Variants in SHROOM3 observed in about 807,000 individuals in gnomAD.
The protein encoded by SHROOM3 is protein Shroom3.
SHROOM3 carries 47 observed loss-of-function variants against 138.6 expected under a neutral mutation model. The ratio of observed to expected loss-of-function variants is 0.34; its 90% CI spans 0.27 to 0.43. SHROOM3 has a LOEUF of 0.43. SHROOM3 is among the 20% of genes least tolerant of loss of function. SHROOM3 has a pLI of 1.00. For synonymous variants in SHROOM3, 1,062 were observed against 1,063.3 expected, an observed-to-expected ratio of 1.00 and a Z score of 0.02; for missense variants, 2,491 against 2,596.5, an observed-to-expected ratio of 0.96 and a Z score of 0.88.
In SHROOM3 at chr4:76,740,024, G is replaced by A; in HGVS notation, c.1851G>A (p.Lys617=). ...QAQAWQAGED[K]RSSRLSEPWE... ...AGGCCTGGCAAGCGGGTGAAGACAAGAGATCTTCCAGGCTCTCAGAGCCCT... is the reference window on the plus strand; with the variant it reads ...AGGCCTGGCAAGCGGGTGAAGACAAAAGATCTTCCAGGCTCTCAGAGCCCT... The change falls in exon 5 of 11, where the codon AAG becomes AAA. Residue 617 remains lysine (K), a synonymous_variant. Transcript: ENST00000296043. This position sits in a 1 kb window ranked among gnomAD's most constrained non-coding sequence, Gnocchi z 4.0. The A allele has an allele frequency of 6.2e-7, 1 of 1,613,914 alleles. No individual in the cohort carries two copies. The highest frequency in any genetic ancestry group is 1.1e-5 in the South Asian group (1 of 91,082).
In SHROOM3 at chr4:76,740,361, G is replaced by C. The variant is rs997724339; in HGVS notation, c.2188G>C (p.Gly730Arg). The change falls in exon 5 of 11, where the codon GGT becomes CGT. Residue 730 changes from glycine to arginine, a missense_variant. By Grantham distance (125) the Gly-to-Arg change is moderately radical. Around this residue, in one of 4 missense-constraint regions of SHROOM3, gnomAD observed 1,733 missense variants for 1,661.6 expected, o/e 1.04. Coordinates refer to ENST00000296043, the MANE Select transcript of SHROOM3 (RefSeq NM_020859.4). The surrounding 1 kb of genome is among the most constrained non-coding windows in gnomAD (Gnocchi z 4.0). The part of the protein sequence containing the change: ...VSYPRPEGRT[G>R]ASASFNSTDP... ...CTACCCGCGGCCCGAGGGGAGGACCGGTGCCTCGGCTTCTTTCAACAGCAC... is the reference window on the plus strand; with the variant it reads ...CTACCCGCGGCCCGAGGGGAGGACCCGTGCCTCGGCTTCTTTCAACAGCAC... 6.2e-7 allele frequency: 1 copy of C among 1,613,058 alleles called. No homozygotes were observed. Among genetic ancestry groups the C allele is most frequent in the East Asian group, 2.2e-5 (1 of 44,878 alleles).
In SHROOM3 at chr4:76,770,868, C is replaced by A; in HGVS notation, c.5592C>A (p.Gly1864=). The change falls in exon 10 of 11, where the codon GGC becomes GGA. Residue 1864 remains glycine, a synonymous_variant. Coordinates refer to ENST00000296043, the MANE Select transcript of SHROOM3 (RefSeq NM_020859.4). ...RLARVENVLS[G]LGEDASNEER... Reference sequence around the variant, plus strand: ...CCCGTGTTGAGAATGTCCTTAGCGGCCTTGGTGAAGATGCCAGTAATGAAG... The same window carrying A: ...CCCGTGTTGAGAATGTCCTTAGCGGACTTGGTGAAGATGCCAGTAATGAAG... 2 of 1,614,192 alleles carry A rather than the reference C, an allele frequency of 1.2e-6. No individual in the cohort carries two copies. The highest frequency in any genetic ancestry group is 2.2e-5 in the South Asian group (2 of 91,082).
intron 2 of SHROOM3, among the ~76,000 whole-genome samples, chr4:76,658,504 T>C (rs893240334): frequency 2.0e-5 from 3 of 152,182 alleles, no homozygotes; most frequent in African/African-American, 7.2e-5. Context: ...CTGTTAAGCA[T>C]TAAGAATGGA....
At chr4:76,579,739 C>T (rs1459629616) in intron 2 of SHROOM3, among the ~76,000 whole-genome samples, 1 of 152,206 alleles carries the variant, frequency 6.6e-6, no homozygotes, top group African/African-American at 2.4e-5. Flanking sequence ...GTCTAGTCAG[C>T]ATTTGAGTTT....
intron 5 of SHROOM3, among the ~76,000 whole-genome samples, chr4:76,745,469 T>A (rs527938328): frequency 6.6e-6 from 1 of 152,314 alleles, no homozygotes; most frequent in African/African-American, 2.4e-5. Context: ...CATTACTGAA[T>A]TGCTGAGGAA....
intron 2 of SHROOM3, among the ~76,000 whole-genome samples, chr4:76,685,374 CA>C (rs369922459): frequency 6.9e-5 from 10 of 144,398 alleles, no homozygotes; most frequent in Non-Finnish European, 1.2e-4. Context: ...AGCTAAAAAA[CA>C]AAAAAAAATC....
intron 4 of SHROOM3, 150 bp downstream of exon 4, chr4:76,731,085 T>C (rs1418734541): frequency 1.1e-5 from 12 of 1,090,920 alleles, no homozygotes; most frequent in South Asian, 2.6e-5. Flanking sequence ...CATCCTCTTA[T>C]AGTGCTTGAC....
chr4:76,581,834 G>A (rs918614099), intron 2 of SHROOM3, among the ~76,000 whole-genome samples: 9 of 152,244 alleles, frequency 5.9e-5, no homozygotes, highest in East Asian at 3.9e-4. Context: ...TAAACTAATC[G>A]TGAACCCCAC....
At chr4:76,485,076 C>T (rs1242917109) in intron 1 of SHROOM3, among the ~76,000 whole-genome samples, 6 of 152,182 alleles carry the variant, frequency 3.9e-5, no homozygotes, top group African/African-American at 7.2e-5. Flanking sequence ...ACACTGTTGT[C>T]GCCTTTCCAT....
intron 2 of SHROOM3, among the ~76,000 whole-genome samples, chr4:76,667,061 A>G (rs904187845): frequency 5.9e-5 from 9 of 152,224 alleles, no homozygotes; most frequent in African/African-American, 1.7e-4. Flanking sequence ...GGTGGTTGGC[A>G]GGGGCTGGGG....
intron 2 of SHROOM3, among the ~76,000 whole-genome samples, chr4:76,666,010 C>T (rs554864661): frequency 6.6e-6 from 1 of 152,258 alleles, no homozygotes; most frequent in African/African-American, 2.4e-5. Context: ...TCCAGCTGAA[C>T]ACTTTTATCA....
intron 5 of SHROOM3, among the ~76,000 whole-genome samples, chr4:76,744,285 G>A (rs144994790): frequency 6.6e-6 from 1 of 152,334 alleles, no homozygotes; most frequent in African/African-American, 2.4e-5. Context: ...GAATATGCAG[G>A]CAGAGAGGGA....
intron 2 of SHROOM3, among the ~76,000 whole-genome samples, chr4:76,630,204 A>G (rs552024301): frequency 1.1e-4 from 16 of 152,346 alleles, no homozygotes; most frequent in Middle Eastern, 6.8e-3. Context: ...CTCATTTTAC[A>G]GATAAAGAGG....
intron 9 of SHROOM3, among the ~76,000 whole-genome samples, chr4:76,763,078 G>A (rs1722035772): frequency 6.6e-6 from 1 of 152,120 alleles, no homozygotes; most frequent in African/African-American, 2.4e-5. Flanking sequence ...AAAGGCTCAT[G>A]ATTAAATAAA....
chr4:76,699,267 C>G (rs753085244), intron 2 of SHROOM3, among the ~76,000 whole-genome samples: 5 of 152,218 alleles, frequency 3.3e-5, no homozygotes, highest in Non-Finnish European at 7.3e-5. Context: ...TTATTCTACA[C>G]CAATTCCAAC....
intron 9 of SHROOM3, among the ~76,000 whole-genome samples, chr4:76,766,851 G>A (rs1722172786): frequency 6.6e-6 from 1 of 152,218 alleles, no homozygotes; most frequent in Non-Finnish European, 1.5e-5. Context: ...TGACCACTCA[G>A]TAATTCTGGC....
At chr4:76,709,070 AAG>A (rs1720150654) in intron 2 of SHROOM3, among the ~76,000 whole-genome samples, 1 of 152,232 alleles carries the variant, frequency 6.6e-6, no homozygotes, top group African/African-American at 2.4e-5. Context: ...GTAGAATAAA[AAG>A]AGATCCTTTC....
chr4:76,566,088 G>A (rs191866448), intron 2 of SHROOM3, among the ~76,000 whole-genome samples: 20 of 129,678 alleles, frequency 1.5e-4, no homozygotes, highest in Non-Finnish European at 3.1e-4. Flanking sequence ...TAGCCTGGGC[G>A]ACAGAGCAAA....
chr4:76,577,808 T>G (rs867785171), intron 2 of SHROOM3, among the ~76,000 whole-genome samples: 3 of 152,190 alleles, frequency 2.0e-5, no homozygotes, highest in Non-Finnish European at 2.9e-5. Context: ...AGAAGAATCT[T>G]TAAACATCAA....
Sources: allele counts gnomAD v4.1 joint callset (sites outside exome capture counted in the v4.1 genomes callset), GRCh38; gene constraint gnomAD v4.1.1; regional missense constraint gnomAD v4.1.1; non-coding constraint Gnocchi (gnomAD v3.1); transcripts MANE v1.5; gene names NCBI Gene and HGNC (gene_info 2026-07-23, HGNC 2026-07-21).